PSTK: variants seen among roughly 807,000 people sequenced by gnomAD.
PSTK encodes the protein phosphoseryl-tRNA kinase, also known as L-seryl-tRNA(Sec) kinase.
Under a neutral mutation model 38.6 loss-of-function variants are expected in PSTK, and 26 were observed. The ratio of observed to expected loss-of-function variants is 0.67; its 90% confidence interval spans 0.49 to 0.94. PSTK has a LOEUF of 0.94. PSTK is among the 40% of genes least tolerant of loss of function. The pLI is 0.00. For missense variants in PSTK, 445 were observed against 436.3 expected (o/e 1.02, Z -0.18); for synonymous variants, 181 against 161.7 (o/e 1.12, Z -0.91).
chr10:122,987,500 G>A (rs1849051746), intron 5 of PSTK: 5 of 1,613,726 alleles, frequency 3.1e-6, no homozygotes, highest in Non-Finnish European at 4.2e-6. Context: ...TGAGCACGGG[G>A]TGAGGTAAGA....
intron 3 of PSTK, 133 bp downstream of exon 3, chr10:122,983,603 T>TA: frequency 1.3e-6 from 1 of 781,872 alleles, no homozygotes; most frequent in Non-Finnish European, 2.0e-6. Flanking sequence ...GTGTGGAAGC[T>TA]AAAAGTGAAA....
At position 122,982,971 on chromosome 10, in the gene PSTK, A is replaced by G. The variant is rs1345673878; in HGVS notation, c.455A>G (p.Asp152Gly). The G allele has an allele frequency of 6.2e-7, 1 of 1,614,062 alleles. No homozygotes were observed. The highest frequency in any genetic ancestry group is 1.3e-5 in the African/African-American group (1 of 74,932). ...VSRPLFLVLD[D>G]NFYYQSMRYE... ...AGACCTTTGTTTTTGGTTTTGGATGACAATTTTTATTATCAGAGTATGAGA... is the reference window on the plus strand; with the variant it reads ...AGACCTTTGTTTTTGGTTTTGGATGGCAATTTTTATTATCAGAGTATGAGA... Residue 152 changes from aspartate to glycine, a missense_variant, in exon 2 of 6, where the codon GAC becomes GGC. Asp to Gly is a moderately conservative substitution (Grantham distance 94). Transcript: ENST00000406217.
chr10:122,986,972 G>A lies in PSTK; in HGVS notation c.877+10G>A, dbSNP rs766699973. Reference sequence around the variant, plus strand: ...ATGAAGGAAGCAAAAGGTATGATGTGTCAGTTATGTGTTGAGTTGGTATGA... The same window carrying A: ...ATGAAGGAAGCAAAAGGTATGATGTATCAGTTATGTGTTGAGTTGGTATGA... On this transcript the variant is annotated intron_variant, in intron 5 of 5. Coordinates refer to ENST00000406217, the MANE Select transcript of PSTK (RefSeq NM_001363531.2). 2 of 1,547,644 alleles carry A rather than the reference G, an allele frequency of 1.3e-6. No individual in the cohort carries two copies. Among genetic ancestry groups the A allele is most frequent in the East Asian group, 4.5e-5 (2 of 44,516 alleles).
chr10:122,986,048 A>G (rs1026669885), intron 3 of PSTK: 4 of 216,888 alleles, frequency 1.8e-5, no homozygotes, highest in African/African-American at 7.0e-5. Flanking sequence ...GTGAAACCCC[A>G]TCTCTACTAA....
In PSTK at chr10:122,980,470, C is replaced by T. The variant is rs770754587; in HGVS notation, c.-10C>T. ...GACGCTCCCAGACTCCTCCGGTCTC[C>T]CCGGGCAGCATGAAGACCGCCGAGA... On this transcript the variant is annotated 5_prime_UTR_variant, in exon 1 of 6. Transcript: ENST00000406217. The surrounding 1 kb of genome is among the most constrained non-coding windows in gnomAD (Gnocchi z 4.3). 4 of 1,589,476 alleles carry T rather than the reference C, an allele frequency of 2.5e-6. No homozygotes were observed. The highest frequency in any genetic ancestry group is 3.4e-6 in the Non-Finnish European group (4 of 1,172,290).
chr10:122,987,237 C>G (rs1849047343), intron 5 of PSTK: 7 of 1,457,994 alleles, frequency 4.8e-6, no homozygotes, highest in African/African-American at 1.4e-5. Flanking sequence ...AATGAGGAGA[C>G]AGACAAAACA....
intron 5 of PSTK, chr10:122,987,528 A>C: frequency 6.2e-7 from 1 of 1,610,890 alleles, no homozygotes; most frequent in Non-Finnish European, 8.5e-7. Context: ...AAAGGTAGTC[A>C]GGGGCCAGGT....
In PSTK at chr10:122,980,822, T is replaced by G. The variant is rs1589705498; in HGVS notation, c.216+127T>G. On this transcript the variant is annotated intron_variant, in intron 1 of 5. Coordinates refer to ENST00000406217, the MANE Select transcript of PSTK (RefSeq NM_001363531.2). This position sits in a 1 kb window ranked among gnomAD's most constrained non-coding sequence, Gnocchi z 4.3. ...AGCGCCCATTGCTTGGTGTGGGAGG[T>G]GAAGTTCGAGAAAAGTGGAGCTGGG... is the stretch of plus-strand genomic sequence containing the variant. The G allele has an allele frequency of 1.6e-6, 2 of 1,287,808 alleles. No individual in the cohort carries two copies. The highest frequency in any genetic ancestry group is 2.0e-6 in the Non-Finnish European group (2 of 1,023,224). 79.8% of individuals were successfully genotyped at this position (1,287,808 alleles called of 1,614,324 possible).
chr10:122,983,909 T>G (rs1849000513), intron 3 of PSTK: 2 of 160,846 alleles, frequency 1.2e-5, no homozygotes, highest in South Asian at 3.4e-4. Flanking sequence ...ATGCATTTCA[T>G]TCATTACGTA....
At position 122,983,302 on chromosome 10, in the gene PSTK, A is replaced by G. The variant is rs771082180; in HGVS notation, c.539A>G (p.Asp180Gly). The change falls in exon 3 of 6, where the codon GAT becomes GGT. Residue 180 changes from aspartate (D) to glycine (G), a missense_variant. By Grantham distance (94) the Asp-to-Gly change is moderately conservative. Coordinates refer to ENST00000406217, the MANE Select transcript of PSTK (RefSeq NM_001363531.2). Reference protein sequence around the residue: ...YSLGFCQLFLDCPLETCLQRN... With the variant: ...YSLGFCQLFLGCPLETCLQRN... ...TTGGGCTTTTGCCAGCTCTTTTTAG[A>G]TTGTCCTCTTGAGACCTGTTTACAG... The G allele has an allele frequency of 2.5e-6, 4 of 1,612,990 alleles. No homozygotes were observed. The highest frequency in any genetic ancestry group is 2.2e-5 in the South Asian group (2 of 90,806).
At chr10:122,986,254 T>C in intron 3 of PSTK, 46 bp from the exon 4 acceptor site, 4 of 1,136,222 alleles carry the variant, frequency 3.5e-6, no homozygotes, top group Middle Eastern at 2.6e-4. Context: ...AAAAGTCAGA[T>C]GTTGGATATA....
chr10:122,986,265 A>C, intron 3 of PSTK, 35 bp from the exon 4 acceptor site: 1 of 1,338,162 alleles, frequency 7.5e-7, no homozygotes, highest in Non-Finnish European at 1.0e-6. Flanking sequence ...GTTGGATATA[A>C]GGATCTATTG....
chr10:122,985,525 T>G (rs926756152), intron 3 of PSTK: 5 of 152,262 alleles, frequency 3.3e-5, no homozygotes, highest in African/African-American at 1.2e-4. Context: ...TCAATACATA[T>G]TTGTTAAATC....
At chr10:122,985,695 G>A (rs1216954390) in intron 3 of PSTK, 1 of 152,130 alleles carries the variant, frequency 6.6e-6, no homozygotes, top group Admixed American at 6.5e-5. Context: ...AGCCTTAAGA[G>A]GGGAAAAGAG....
Position 122,986,888 on chromosome 10 carries a change from G to A in PSTK, c.803G>A (p.Cys268Tyr), listed in dbSNP as rs376136047. The change falls in exon 5 of 6, where the codon TGT becomes TAT. Residue 268 changes from cysteine (C) to tyrosine (Y), a missense_variant. Transcript: ENST00000406217. ...MEQKDTDRII[C>Y]STNILHKTDQ... ...ACATAGGACACAGACAGAATTATTTGTTCAACTAACATTCTTCATAAAACT... is the reference window on the plus strand; with the variant it reads ...ACATAGGACACAGACAGAATTATTTATTCAACTAACATTCTTCATAAAACT... 3 of 1,607,990 alleles carry A rather than the reference G, an allele frequency of 1.9e-6. No homozygotes were observed. The African/African-American group carries it at 4.0e-5, about 21-fold the overall frequency.
chr10:122,990,227 C>A lies in PSTK; in HGVS notation c.931C>A (p.Leu311Ile). Residue 311 changes from leucine (L) to isoleucine (I), a missense_variant, in exon 6 of 6, where the codon CTC (leucine) becomes ATC (isoleucine). Leu to Ile is a conservative substitution (Grantham distance 5, BLOSUM62 2). Coordinates refer to ENST00000406217, the MANE Select transcript of PSTK (RefSeq NM_001363531.2). ...GCTTCTAGCAGAAGAACTTAACAAG[C>A]TCAAAGCAGAGTTTTTGGAAGACCT... is the stretch of plus-strand genomic sequence containing the variant. ...LKLLAEELNK[L>I]KAEFLEDLKQ... is the part of the protein sequence containing the mutation. 1 of 1,539,306 alleles carries A rather than the reference C, an allele frequency of 6.5e-7. No homozygotes were observed. Among genetic ancestry groups the A allele is most frequent in the Non-Finnish European group, 8.7e-7 (1 of 1,143,978 alleles).
chr10:122,986,186 A>T, intron 3 of PSTK, 114 bp from the exon 4 acceptor site: 1 of 568,046 alleles, frequency 1.8e-6, no homozygotes, highest in Non-Finnish European at 3.0e-6. Flanking sequence ...ACGCCGCTGC[A>T]CTCCAGCCTG....
chr10:122,982,287 A>G (rs1309052343), intron 1 of PSTK: 1 of 155,084 alleles, frequency 6.4e-6, no homozygotes, highest in African/African-American at 2.4e-5. Flanking sequence ...CTCTTGGATG[A>G]TAAATAAGTT....
chr10:122,983,878 G>A (rs1224947880), intron 3 of PSTK: 1 of 180,000 alleles, frequency 5.6e-6, no homozygotes, highest in Non-Finnish European at 1.2e-5. Flanking sequence ...CATATGTGAG[G>A]CTTGTAGGCT....
Sources: gnomAD v4.1 joint callset for allele counts on GRCh38, gnomAD v4.1.1 for gene constraint, Gnocchi (gnomAD v3.1) non-coding constraint, MANE v1.5 for transcripts, NCBI Gene and HGNC (gene_info 2026-07-23, HGNC 2026-07-21) for gene names.